PILRB: variants seen among roughly 807,000 people sequenced by gnomAD.
The protein encoded by PILRB is paired immunoglobulin-like type 2 receptor beta.
A neutral mutation model predicts 20.5 loss-of-function variants in PILRB; 21 were observed. The observed-to-expected ratio is 1.02, with a 90% CI of 0.72 to 1.47. The LOEUF (loss-of-function observed/expected upper bound fraction) is 1.47, where lower values mean the gene tolerates loss of function less well. PILRB is among the 40% of genes most tolerant of loss of function. The pLI, the probability that PILRB is intolerant of heterozygous loss-of-function variation, is 0.00. For synonymous variants in PILRB, 133 were observed against 115.1 expected (o/e 1.16, Z -0.99); for missense variants, 253 against 272.1 (o/e 0.93, Z 0.49).
intron 3 of PILRB, 64 bp from the exon 4 acceptor site, chr7:100,367,285 A>G (rs1790721751): frequency 1.3e-6 from 1 of 779,540 alleles, no homozygotes; most frequent in African/African-American, 1.7e-5. Context: ...TCTCTGAAGC[A>G]ACTGCCTCGC....
chr7:100,364,393 T>C (rs1790617227), intron 3 of PILRB, among the ~76,000 whole-genome samples: 1 of 152,144 alleles, frequency 6.6e-6, no homozygotes, highest in Non-Finnish European at 1.5e-5. Context: ...CATAGGGTGA[T>C]GAGACAAGAT....
intron 3 of PILRB, among the ~76,000 whole-genome samples, chr7:100,364,064 C>T (rs1051587225): frequency 3.3e-5 from 5 of 150,860 alleles, no homozygotes; most frequent in Admixed American, 6.7e-5. Flanking sequence ...GCCAAGATCA[C>T]GCCATTGCAT....
At chr7:100,365,974 GAC>G in intron 3 of PILRB, among the ~76,000 whole-genome samples, 1 of 107,862 alleles carries the variant, frequency 9.3e-6, no homozygotes, top group South Asian at 3.2e-4. Flanking sequence ...TTTTTTTTTA[GAC>G]AGAGTCTCGC....
At chr7:100,367,223 C>G in intron 3 of PILRB, 126 bp from the exon 4 acceptor site, 1 of 816,714 alleles carries the variant, frequency 1.2e-6, no homozygotes, top group Non-Finnish European at 2.2e-6. Flanking sequence ...CCCCACAAGC[C>G]CAGCCTGCCA....
intron 3 of PILRB, among the ~76,000 whole-genome samples, chr7:100,367,024 G>T (rs1364976501): frequency 6.6e-6 from 1 of 152,116 alleles, no homozygotes; most frequent in Non-Finnish European, 1.5e-5. Context: ...CTAGGGCGCA[G>T]CAGAGAAGGT....
Position 100,358,226 on chromosome 7 carries a change from G to A in PILRB, c.-77G>A. The stretch of plus-strand genomic sequence containing the variant: ...CTCTCCCCACTCACCTCAGCCCTCA[G>A]GCAGCCCCTCCACAGGGCCCCTCTC... On this transcript the variant is annotated 5_prime_UTR_variant, in exon 1 of 4. Coordinates refer to ENST00000609309, the MANE Select transcript of PILRB (RefSeq NM_178238.4). 4.5e-6 allele frequency: 7 copies of A among 1,571,638 alleles called. No individual in the cohort carries two copies. The highest frequency in any genetic ancestry group is 6.1e-6 in the Non-Finnish European group (7 of 1,148,630).
intron 3 of PILRB, 129 bp downstream of exon 3, chr7:100,359,666 C>G: frequency 1.3e-6 from 1 of 762,548 alleles, no homozygotes. Context: ...AAGGCCGACT[C>G]TGGCCTGTGC....
chr7:100,360,606 A>C (rs1405043905), intron 3 of PILRB, among the ~76,000 whole-genome samples: 1 of 152,126 alleles, frequency 6.6e-6, no homozygotes, highest in Non-Finnish European at 1.5e-5. Context: ...CTGATCCCAG[A>C]GGCAGCGTGA....
In PILRB at chr7:100,358,848, C is replaced by G. The variant is rs769134379; in HGVS notation, c.223C>G (p.His75Asp). 2.5e-6 allele frequency: 4 copies of G among 1,614,042 alleles called. No homozygotes were observed. The East Asian group carries it at 8.9e-5, about 36-fold the overall frequency. Residue 75 changes from histidine (H) to aspartate (D), a missense_variant, in exon 2 of 4, where the codon CAC (histidine) becomes GAC (aspartate). Physicochemically the swap from His to Asp is moderately conservative, Grantham distance 81. Coordinates refer to ENST00000609309, the MANE Select transcript of PILRB (RefSeq NM_178238.4). ...CGTGAGAATATCCTGGAGACGGGGC[C>G]ACTTCCACGGGCAGTCCTTCTACAG... ...PNVRISWRRG[H>D]FHGQSFYSTR... is the part of the protein sequence containing the mutation.
At chr7:100,363,452 C>T (rs1415309585) in intron 3 of PILRB, among the ~76,000 whole-genome samples, 1 of 152,140 alleles carries the variant, frequency 6.6e-6, no homozygotes, top group East Asian at 1.9e-4. Context: ...AAAGTAAGAT[C>T]TTTAGGAATA....
chr7:100,366,732 G>T (rs1790700049), intron 3 of PILRB, among the ~76,000 whole-genome samples: 1 of 151,922 alleles, frequency 6.6e-6, no homozygotes, highest in Non-Finnish European at 1.5e-5. Context: ...GGGAGAGGTG[G>T]GGGTGCCTAT....
chr7:100,358,134 C>A lies in PILRB; in HGVS notation c.-169C>A, dbSNP rs951643603. 10 of 701,956 alleles carry A rather than the reference C, an allele frequency of 1.4e-5. No individual in the cohort carries two copies. Among genetic ancestry groups the A allele is most frequent in the Non-Finnish European group, 2.2e-5 (9 of 403,092 alleles). The allele number at this position is 701,956 out of a possible 1,614,324, so 43.5% of individuals were successfully genotyped here. On this transcript the variant is annotated 5_prime_UTR_variant, in exon 1 of 4. Transcript: ENST00000609309. ...AGATGGATAAAGGAAGTGCTGGTCACCCTGGAGGTGTACTGGTTTGGGGAA... is the reference window on the plus strand; with the variant it reads ...AGATGGATAAAGGAAGTGCTGGTCAACCTGGAGGTGTACTGGTTTGGGGAA...
intron 3 of PILRB, among the ~76,000 whole-genome samples, chr7:100,361,071 G>T (rs564132621): frequency 2.0e-4 from 30 of 152,190 alleles, no homozygotes; most frequent in African/African-American, 7.2e-4. Context: ...GAGTAGCTGG[G>T]ACTACAGGCG....
In PILRB at chr7:100,358,762, G is replaced by A. The variant is rs1314184042; in HGVS notation, c.137G>A (p.Gly46Asp). The part of the protein sequence containing the change: ...TQPKHLSASM[G>D]GSVEIPFSFY... ...CCAAAACACCTCTCAGCCTCCATGG[G>A]TGGCTCTGTGGAAATCCCCTTCTCC... Residue 46 changes from glycine (G) to aspartate (D), a missense_variant, in exon 2 of 4, where the codon GGT becomes GAT. Transcript: ENST00000609309. The A allele has an allele frequency of 6.2e-7, 1 of 1,613,942 alleles. No individual in the cohort carries two copies. Among genetic ancestry groups the A allele is most frequent in the East Asian group, 2.2e-5 (1 of 44,888 alleles).
At chr7:100,364,903 A>G (rs1563110547) in intron 3 of PILRB, among the ~76,000 whole-genome samples, 1 of 152,140 alleles carries the variant, frequency 6.6e-6, no homozygotes, top group African/African-American at 2.4e-5. Context: ...GTAGTGAACT[A>G]TGATTGTGCC....
intron 3 of PILRB, among the ~76,000 whole-genome samples, chr7:100,363,132 T>TAAAAA (rs771904107): frequency 5.9e-5 from 5 of 85,036 alleles, no homozygotes; most frequent in African/African-American, 8.7e-5. Flanking sequence ...CATCTCTACT[T>TAAAAA]AAAAAAAAAA....
intron 3 of PILRB, among the ~76,000 whole-genome samples, chr7:100,361,017 G>GCTCC (rs1336082698): frequency 6.6e-6 from 1 of 152,050 alleles, no homozygotes; most frequent in East Asian, 1.9e-4. Context: ...CTCACTGCAA[G>GCTCC]CTCCCCCTCC....
chr7:100,362,184 G>A (rs577974638), intron 3 of PILRB, among the ~76,000 whole-genome samples: 1 of 152,168 alleles, frequency 6.6e-6, no homozygotes, highest in African/African-American at 2.4e-5. Context: ...AAGACAGAGG[G>A]AACACTTCCA....
intron 3 of PILRB, 107 bp downstream of exon 3, chr7:100,359,644 C>T: frequency 1.0e-6 from 1 of 956,990 alleles, no homozygotes; most frequent in South Asian, 1.5e-5. Flanking sequence ...GCTGGCTCCC[C>T]TCAAGCCCAC....
Sources: allele counts gnomAD v4.1 joint callset (sites outside exome capture counted in the v4.1 genomes callset), GRCh38; gene constraint gnomAD v4.1.1; transcripts MANE v1.5; gene names NCBI Gene and HGNC (gene_info 2026-07-23, HGNC 2026-07-21).